The following LDHC variants were observed in gnomAD, a reference collection of about 807,000 sequenced individuals.
LDHC encodes lactate dehydrogenase C.
Under a neutral mutation model 30.2 loss-of-function variants are expected in LDHC, and 20 were observed. The ratio of observed to expected loss-of-function variants is 0.66; its 90% CI spans 0.47 to 0.96. The LOEUF is 0.96. Ranked by LOEUF, LDHC falls within the 40% of genes least tolerant of loss-of-function variation. The pLI, the probability that LDHC is intolerant of heterozygous loss-of-function variation, is 0.00. For synonymous variants in LDHC, 139 were observed against 132.7 expected (o/e 1.05, Z -0.32); for missense variants, 362 against 394.9 (o/e 0.92, Z 0.71).
intron 7 of LDHC, among the ~76,000 whole-genome samples, chr11:18,448,834 A>G (rs1346010235): frequency 6.6e-6 from 1 of 152,004 alleles, no homozygotes; most frequent in African/African-American, 2.4e-5. Context: ...ACAAATTCTA[A>G]TATATCCAGG....
At chr11:18,422,310 C>T (rs1848076468) in intron 3 of LDHC, among the ~76,000 whole-genome samples, 1 of 152,000 alleles carries the variant, frequency 6.6e-6, no homozygotes, top group Admixed American at 6.6e-5. Context: ...AATCCCAGCA[C>T]TCTGGGAGGC....
At chr11:18,427,858 G>A (rs896173057) in intron 3 of LDHC, among the ~76,000 whole-genome samples, 1 of 151,896 alleles carries the variant, frequency 6.6e-6, no homozygotes, top group Admixed American at 6.6e-5. Flanking sequence ...TGTATTTTTA[G>A]TAGAGATGGG....
At chr11:18,415,930 G>A (rs1166171382) in intron 3 of LDHC, among the ~76,000 whole-genome samples, 1 of 152,166 alleles carries the variant, frequency 6.6e-6, no homozygotes, top group Non-Finnish European at 1.5e-5. Context: ...CCTGACTTCA[G>A]GTGATCCACT....
intron 2 of LDHC, among the ~76,000 whole-genome samples, chr11:18,413,098 T>C (rs1376871742): frequency 6.6e-6 from 1 of 151,902 alleles, no homozygotes; most frequent in Admixed American, 6.6e-5. Context: ...CTTTTTCTTT[T>C]TTTGAGACAG....
intron 5 of LDHC, among the ~76,000 whole-genome samples, chr11:18,436,678 G>C (rs990247162): frequency 2.6e-5 from 4 of 151,094 alleles, no homozygotes; most frequent in Non-Finnish European, 5.9e-5. Flanking sequence ...TAGAGACAGG[G>C]TTTCTCCATG....
At chr11:18,422,046 C>T (rs1194163850) in intron 3 of LDHC, among the ~76,000 whole-genome samples, 1 of 151,900 alleles carries the variant, frequency 6.6e-6, no homozygotes, top group African/African-American at 2.4e-5. Flanking sequence ...ATCACTTCAA[C>T]CCGGCAGGTG....
At chr11:18,429,534 A>G (rs906099536) in intron 3 of LDHC, among the ~76,000 whole-genome samples, 3 of 152,166 alleles carry the variant, frequency 2.0e-5, no homozygotes, top group African/African-American at 4.8e-5. Context: ...TGAGGTAGCT[A>G]TGTGAAATTT....
At chr11:18,442,502 A>C (rs950168655) in intron 6 of LDHC, among the ~76,000 whole-genome samples, 2 of 152,218 alleles carry the variant, frequency 1.3e-5, no homozygotes, top group African/African-American at 4.8e-5. Context: ...ACTAGACTCT[A>C]TAAGACACAG....
At chr11:18,450,377 G>C (rs1848634214) in intron 7 of LDHC, 2 of 153,106 alleles carry the variant, frequency 1.3e-5, no homozygotes, top group African/African-American at 4.8e-5. Flanking sequence ...GTAGTGGATA[G>C]GAGTACAGAA....
intron 7 of LDHC, among the ~76,000 whole-genome samples, chr11:18,447,134 A>AT (rs1316943953): frequency 0.042 from 5,885 of 138,860 alleles, 168 homozygotes; most frequent in Non-Finnish European, 0.057. Context: ...TGACTTCTCT[A>AT]TTTTTTTTTT....
At chr11:18,416,210 T>C (rs979601655) in intron 3 of LDHC, among the ~76,000 whole-genome samples, 3 of 152,190 alleles carry the variant, frequency 2.0e-5, no homozygotes, top group African/African-American at 7.2e-5. Flanking sequence ...ATATACAATC[T>C]TGAAGAGTTT....
At chr11:18,434,291 C>T (rs1057411169) in intron 4 of LDHC, among the ~76,000 whole-genome samples, 1 of 151,860 alleles carries the variant, frequency 6.6e-6, no homozygotes, top group Admixed American at 6.6e-5. Context: ...AATAGCTAAC[C>T]TCCTGAATTC....
intron 7 of LDHC, among the ~76,000 whole-genome samples, chr11:18,446,625 T>C (rs1052975600): frequency 6.6e-6 from 1 of 152,196 alleles, no homozygotes; most frequent in Non-Finnish European, 1.5e-5. Context: ...GAAAATTTAT[T>C]GGCTTATGTA....
chr11:18,422,004 G>C (rs933975426), intron 3 of LDHC, among the ~76,000 whole-genome samples: 7 of 149,232 alleles, frequency 4.7e-5, no homozygotes, highest in Non-Finnish European at 8.9e-5. Context: ...CACACCTGTA[G>C]TCCCAGCTAC....
At chr11:18,437,233 A>C (rs1187504337) in intron 5 of LDHC, among the ~76,000 whole-genome samples, 1 of 152,082 alleles carries the variant, frequency 6.6e-6, no homozygotes, top group Non-Finnish European at 1.5e-5. Context: ...TATCTTTCTT[A>C]TCAGTCTTTT....
At chr11:18,450,438 C>G (rs576156202) in intron 7 of LDHC, 2 of 153,462 alleles carry the variant, frequency 1.3e-5, no homozygotes, top group Admixed American at 6.5e-5. Context: ...CAGGCCCCAC[C>G]GGGCATGTAA....
chr11:18,449,428 T>TAAAAAAAAAAAAA lies in LDHC; in HGVS notation c.835-1514_835-1502dup, dbSNP rs557136321. On this transcript the variant is annotated intron_variant, in intron 7 of 7. Transcript: ENST00000541669. ...GGTGACACAGCGAGACACTGTCTCC[T>TAAAAAAAAAAAAA]AAAAAAAAAAAAAAAAAAAAAAAAA... Among the ~76,000 whole-genome samples, 42 of 48,452 alleles carry TAAAAAAAAAAAAA rather than the reference T, an allele frequency of 8.7e-4. 2 individuals are homozygous for TAAAAAAAAAAAAA. The highest frequency in any genetic ancestry group is 3.3e-3 in the African/African-American group (40 of 12,008). The allele number at this position is 48,452 out of a possible 152,430, so 31.8% of individuals were successfully genotyped here.
At chr11:18,443,884 A>G (rs1178185226) in intron 6 of LDHC, among the ~76,000 whole-genome samples, 1 of 152,210 alleles carries the variant, frequency 6.6e-6, no homozygotes, top group Non-Finnish European at 1.5e-5. Context: ...ACTTATCACT[A>G]TTGGTCCTCT....
At position 18,412,352 on chromosome 11, in the gene LDHC, C is replaced by T. The variant is rs189608089; in HGVS notation, c.-66C>T. ...GGAGGGCAACCGTCGACGGGCTTAG[C>T]GCCTCAACTGTCGTTGGTGTATTTT... On this transcript the variant is annotated 5_prime_UTR_variant, in exon 1 of 8. Coordinates refer to ENST00000541669, the MANE Select transcript of LDHC (RefSeq NM_017448.5). 17 of 170,594 alleles carry T rather than the reference C, an allele frequency of 1.0e-4. No individual in the cohort carries two copies. Among genetic ancestry groups the T allele is most frequent in the African/African-American group, 3.6e-4 (15 of 42,012 alleles). 10.6% of individuals were successfully genotyped at this position (170,594 alleles called of 1,614,324 possible).
Sources: allele counts gnomAD v4.1 joint callset (sites outside exome capture counted in the v4.1 genomes callset), GRCh38; gene constraint gnomAD v4.1.1; transcripts MANE v1.5; gene names NCBI Gene and HGNC (gene_info 2026-07-23, HGNC 2026-07-21).